The following GSE1 variants were observed in gnomAD, a reference collection of about 807,000 sequenced individuals.
The protein encoded by GSE1 is Gse1 coiled-coil protein.
In GSE1, 32 loss-of-function variants were observed where a neutral mutation model predicts 112.6. The observed-to-expected ratio is 0.28, with a 90% CI of 0.21 to 0.38. The LOEUF (loss-of-function observed/expected upper bound fraction) is 0.38, where lower values mean the gene tolerates loss of function less well. Ranked by LOEUF, GSE1 falls within the 10% of genes least tolerant of loss-of-function variation. GSE1 has a pLI of 1.00. For synonymous variants in GSE1, 1,115 were observed against 735.6 expected (o/e 1.52, Z -8.35); for missense variants, 2,348 against 1,699.2 (o/e 1.38, Z -6.71).
intron 1 of GSE1, among the ~76,000 whole-genome samples, chr16:85,600,562 AAC>A (rs144938363): frequency 1.1e-3 from 157 of 148,262 alleles, no homozygotes; most frequent in East Asian, 2.6e-3. Flanking sequence ...CTTGTTAAAA[AAC>A]ACACACACAC....
intron 1 of GSE1, among the ~76,000 whole-genome samples, chr16:85,182,083 C>T (rs2035442862): frequency 6.6e-6 from 1 of 152,206 alleles, no homozygotes; most frequent in African/African-American, 2.4e-5. Flanking sequence ...GCGCGGCATC[C>T]CCAGCAAGGC....
intron 1 of GSE1, among the ~76,000 whole-genome samples, chr16:85,212,530 G>A (rs567017337): frequency 3.3e-4 from 51 of 152,330 alleles, no homozygotes; most frequent in African/African-American, 1.2e-3. Flanking sequence ...GAGGATGACC[G>A]TGTAAGGACA....
At chr16:85,538,446 C>T (rs1293423197) in intron 2 of GSE1, among the ~76,000 whole-genome samples, 1 of 152,192 alleles carries the variant, frequency 6.6e-6, no homozygotes, top group African/African-American at 2.4e-5. Context: ...AGCAGAAATA[C>T]ACAAATTCCC....
At chr16:85,457,117 G>A (rs1189575474) in intron 2 of GSE1, among the ~76,000 whole-genome samples, 2 of 152,158 alleles carry the variant, frequency 1.3e-5, no homozygotes, top group Non-Finnish European at 2.9e-5. Context: ...CCTGCCTCCC[G>A]CTTTCCTCTG....
At chr16:85,297,138 C>A (rs1296470819) in intron 1 of GSE1, among the ~76,000 whole-genome samples, 1 of 152,224 alleles carries the variant, frequency 6.6e-6, no homozygotes, top group African/African-American at 2.4e-5. Flanking sequence ...CTCTACCCGG[C>A]CAGGCTGGCA....
rs186287129 is a variant in GSE1 at position 85,546,827 on chromosome 16, C to T, written c.2465-87087C>T. Reference sequence around the variant, plus strand: ...AGGGATTCTTGTCGTTACTGTCACCCCTGGCCCTGTGGGGCCTGAAGGTGT... The same window carrying T: ...AGGGATTCTTGTCGTTACTGTCACCTCTGGCCCTGTGGGGCCTGAAGGTGT... On this transcript the variant is annotated intron_variant, in intron 2 of 2. Transcript: ENST00000637419. Among the ~76,000 whole-genome samples the T allele has an allele frequency of 2.4e-4, 36 of 152,328 alleles. No individual in the cohort carries two copies. In the East Asian group the frequency reaches 4.2e-3, roughly 18 times the overall value.
chr16:85,193,147 C>T (rs2074858988), intron 1 of GSE1, among the ~76,000 whole-genome samples: 2 of 152,140 alleles, frequency 1.3e-5, no homozygotes, highest in African/African-American at 4.8e-5. Context: ...ATTAAGACTT[C>T]ATCAAAAGAA....
At chr16:85,416,476 C>T (rs2048705469) in intron 2 of GSE1, among the ~76,000 whole-genome samples, 1 of 152,160 alleles carries the variant, frequency 6.6e-6, no homozygotes, top group African/African-American at 2.4e-5. Context: ...GCGGTGCTTT[C>T]TGCCCAGCTC....
At chr16:85,339,230 A>T (rs533916532) in intron 1 of GSE1, among the ~76,000 whole-genome samples, 20 of 152,098 alleles carry the variant, frequency 1.3e-4, no homozygotes, top group African/African-American at 4.8e-4. Context: ...TTTCCCAGTG[A>T]TCTGTTCTAG....
At chr16:85,402,400 C>G (rs1374857653) in intron 2 of GSE1, among the ~76,000 whole-genome samples, 2 of 152,138 alleles carry the variant, frequency 1.3e-5, no homozygotes, top group Non-Finnish European at 2.9e-5. Context: ...GAAGGGAGCG[C>G]ACAGCCTCAA....
chr16:85,315,913 G>T (rs2045975144), intron 1 of GSE1, among the ~76,000 whole-genome samples: 1 of 150,922 alleles, frequency 6.6e-6, no homozygotes, highest in Non-Finnish European at 1.5e-5. Flanking sequence ...CCAGAGCACG[G>T]TGAAGCCCTA....
intron 1 of GSE1, among the ~76,000 whole-genome samples, chr16:85,223,700 G>A (rs2075432759): frequency 6.6e-6 from 1 of 151,710 alleles, no homozygotes; most frequent in Non-Finnish European, 1.5e-5. Context: ...TGCCTCCCGG[G>A]TTCAAGCAAT....
At chr16:85,523,840 C>A (rs1436706390) in intron 2 of GSE1, among the ~76,000 whole-genome samples, 1 of 152,224 alleles carries the variant, frequency 6.6e-6, no homozygotes, top group Admixed American at 6.5e-5. Context: ...CCAGCAACAC[C>A]ACGGGGCTCT....
In GSE1 at chr16:85,357,115, C is replaced by G. The variant is rs919557904; in HGVS notation, c.2284-348C>G. ...GGACCTTTGGGCTTAGCCTCAGGCT[C>G]CCTCTTAGATGCTTCTGGGCTCCGT... On this transcript the variant is annotated intron_variant, in intron 1 of 2. Transcript: ENST00000637419. 6.0e-4 allele frequency among the ~76,000 whole-genome samples: 92 copies of G among 152,214 alleles called. 2 individuals carry two copies. Among genetic ancestry groups the G allele is most frequent in the Non-Finnish European group, 2.6e-4 (18 of 68,034 alleles).
At chr16:85,246,237 A>ACACACACG (rs1217218311) in intron 1 of GSE1, among the ~76,000 whole-genome samples, 1 of 108,270 alleles carries the variant, frequency 9.2e-6, no homozygotes, top group African/African-American at 3.5e-5. Context: ...ACACACACAC[A>ACACACACG]CGCACACCAC....
rs1162207888 is a variant in GSE1, at chr16:85,654,950, C to A, written c.756C>A (p.Pro252=). Residue 252 remains proline (P), a synonymous_variant, in exon 5 of 16, where the codon CCC becomes CCA. Transcript: ENST00000253458. ...DPATAAAYYH[P]SYLAPHPFPH... ...CCACTGCTGCAGCCTACTACCACCC[C>A]AGCTACCTGGCCCCACACCCCTTCC... is the stretch of plus-strand genomic sequence containing the variant. The A allele has an allele frequency of 2.1e-5, 34 of 1,609,546 alleles. No individual in the cohort carries two copies. Among genetic ancestry groups the A allele is most frequent in the Non-Finnish European group, 2.9e-5 (34 of 1,179,222 alleles).
chr16:85,250,707 G>A (rs796075867), intron 1 of GSE1, among the ~76,000 whole-genome samples: 7 of 152,282 alleles, frequency 4.6e-5, no homozygotes, highest in African/African-American at 1.7e-4. Context: ...CTGATTTAAA[G>A]TGTAGAGTTT....
intron 1 of GSE1, among the ~76,000 whole-genome samples, chr16:85,177,301 A>G (rs556231617): frequency 5.9e-5 from 9 of 152,222 alleles, no homozygotes; most frequent in Non-Finnish European, 7.3e-5. Flanking sequence ...TGGAGGATGT[A>G]TAGCTTCTGG....
intron 1 of GSE1, among the ~76,000 whole-genome samples, chr16:85,557,358 A>G (rs1215874052): frequency 6.6e-6 from 1 of 151,438 alleles, no homozygotes; most frequent in African/African-American, 2.4e-5. Context: ...CTCCGAGTTG[A>G]TCTCCCTTGA....
Sources: gnomAD v4.1 joint callset for allele counts (sites outside exome capture counted in the v4.1 genomes callset) on GRCh38, gnomAD v4.1.1 for gene constraint, MANE v1.5 for transcripts, NCBI Gene and HGNC (gene_info 2026-07-23, HGNC 2026-07-21) for gene names.